Variants in LHFPL6 observed in about 807,000 individuals in gnomAD.
The protein encoded by LHFPL6 is LHFPL tetraspan subfamily member 6.
LHFPL6 carries 9 observed loss-of-function variants against 20.6 expected under a neutral mutation model. The observed-to-expected ratio is 0.44, with a 90% CI of 0.26 to 0.76. The LOEUF (loss-of-function observed/expected upper bound fraction) is 0.76, where lower values mean the gene tolerates loss of function less well. Among genes scored for constraint, LHFPL6 ranks in the 30% least tolerant of loss-of-function variants. The pLI, the probability that LHFPL6 is intolerant of heterozygous loss-of-function variation, is 0.20. For missense variants in LHFPL6, 218 were observed against 253.5 expected (o/e 0.86, Z 0.95); for synonymous variants, 105 against 98.7 (o/e 1.06, Z -0.38).
intron 2 of LHFPL6, among the ~76,000 whole-genome samples, chr13:39,447,297 G>T (rs1872315786): frequency 6.6e-6 from 1 of 152,020 alleles, no homozygotes; most frequent in South Asian, 2.1e-4. Context: ...AAATTATAAG[G>T]GAAATTTTCA....
At chr13:39,540,903 C>T (rs539600730) in intron 2 of LHFPL6, among the ~76,000 whole-genome samples, 2 of 152,016 alleles carry the variant, frequency 1.3e-5, no homozygotes, top group African/African-American at 2.4e-5. Context: ...ATTTAGAACA[C>T]GTTAACAGAG....
At chr13:39,572,778 C>T (rs1320136820) in intron 2 of LHFPL6, among the ~76,000 whole-genome samples, 1 of 152,100 alleles carries the variant, frequency 6.6e-6, no homozygotes, top group East Asian at 1.9e-4. Context: ...ATACCCAAGC[C>T]ATCAAAAACT....
In LHFPL6 at chr13:39,482,570, T is replaced by A. The variant is rs1041661552; in HGVS notation, c.386-104044A>T. Among the ~76,000 whole-genome samples, 6 of 152,290 alleles carry A rather than the reference T, an allele frequency of 3.9e-5. 1 individual carries two copies. The South Asian group carries it at 1.0e-3, about 26-fold the overall frequency. ...TGTCATAGAAGATGAACAGAAAGAT[T>A]GTTGAGGAAGGAGAAATAATCAATC... On this transcript the variant is annotated intron_variant, in intron 2 of 3. Coordinates refer to ENST00000379589, the MANE Select transcript of LHFPL6 (RefSeq NM_005780.3).
rs80044033 is a variant in LHFPL6, at chr13:39,359,791, GA to G, written c.485-15738del. Among the ~76,000 whole-genome samples, 33 of 146,840 alleles carry G rather than the reference GA, an allele frequency of 2.2e-4. No homozygotes were observed. The East Asian group carries it at 2.6e-3, about 12-fold the overall frequency. ...AGAATCTAAAATAAACATTGAAAAA[GA>G]AAAAAAAAACTGCAGCTCTGCTCTC... On this transcript the variant is annotated intron_variant, in intron 3 of 3. Coordinates refer to ENST00000379589, the MANE Select transcript of LHFPL6 (RefSeq NM_005780.3).
At chr13:39,534,463 T>C (rs1870558258) in intron 2 of LHFPL6, among the ~76,000 whole-genome samples, 1 of 152,246 alleles carries the variant, frequency 6.6e-6, no homozygotes, top group African/African-American at 2.4e-5. Context: ...GGGCTTCATA[T>C]ATAGGTCAAA....
At chr13:39,544,660 AAAGT>A (rs1219454235) in intron 2 of LHFPL6, among the ~76,000 whole-genome samples, 1 of 151,366 alleles carries the variant, frequency 6.6e-6, no homozygotes, top group African/African-American at 2.5e-5. Context: ...CTTTCCTTAT[AAAGT>A]AAGAAACATT....
intron 2 of LHFPL6, among the ~76,000 whole-genome samples, chr13:39,545,789 G>T (rs1230748158): frequency 6.6e-6 from 1 of 151,866 alleles, no homozygotes; most frequent in African/African-American, 2.4e-5. Flanking sequence ...AGTATTTTTA[G>T]GCTGGGCAAG....
At chr13:39,459,369 T>C (rs1872641583) in intron 2 of LHFPL6, among the ~76,000 whole-genome samples, 1 of 152,050 alleles carries the variant, frequency 6.6e-6, no homozygotes, top group South Asian at 2.1e-4. Context: ...GGTTTTTCCT[T>C]TCTCTCTCCT....
intron 2 of LHFPL6, among the ~76,000 whole-genome samples, chr13:39,414,779 T>C (rs1871309036): frequency 6.6e-6 from 1 of 151,018 alleles, no homozygotes; most frequent in African/African-American, 2.4e-5. Context: ...ATATAATTAC[T>C]GGCAACTGAG....
chr13:39,568,694 T>C (rs181198015), intron 2 of LHFPL6, among the ~76,000 whole-genome samples: 217 of 152,306 alleles, frequency 1.4e-3, no homozygotes, highest in Non-Finnish European at 2.5e-3. Flanking sequence ...CAAAAACTCC[T>C]TCCTGCCCAT....
At chr13:39,396,110 T>G (rs895474245) in intron 2 of LHFPL6, among the ~76,000 whole-genome samples, 1 of 151,858 alleles carries the variant, frequency 6.6e-6, no homozygotes, top group African/African-American at 2.4e-5. Flanking sequence ...CTCTGCAGGG[T>G]GTTGGGGGTG....
intron 2 of LHFPL6, among the ~76,000 whole-genome samples, chr13:39,447,733 AAAGGG>A (rs1208274861): frequency 6.6e-6 from 1 of 152,194 alleles, no homozygotes; most frequent in Non-Finnish European, 1.5e-5. Flanking sequence ...CAAGAGAGGA[AAAGGG>A]AAGGATGCAA....
intron 2 of LHFPL6, among the ~76,000 whole-genome samples, chr13:39,475,389 TGAG>T (rs1873059768): frequency 6.6e-6 from 1 of 152,004 alleles, no homozygotes; most frequent in African/African-American, 2.4e-5. Flanking sequence ...AACAAAAAAT[TGAG>T]GTAACAAATT....
At chr13:39,562,391 T>TACATATAC (rs1566141920) in intron 2 of LHFPL6, among the ~76,000 whole-genome samples, 1 of 42,984 alleles carries the variant, frequency 2.3e-5, no homozygotes, top group Non-Finnish European at 5.2e-5. Context: ...TACATATACA[T>TACATATAC]ATATATACAT....
intron 2 of LHFPL6, among the ~76,000 whole-genome samples, chr13:39,542,133 A>ATAATAAT (rs57877231): frequency 1.4e-4 from 19 of 138,784 alleles, no homozygotes; most frequent in Admixed American, 2.8e-4. Context: ...AATAATAATA[A>ATAATAAT]AATAAAAATG....
At chr13:39,392,086 CT>C (rs532795798) in intron 2 of LHFPL6, among the ~76,000 whole-genome samples, 12 of 152,230 alleles carry the variant, frequency 7.9e-5, no homozygotes, top group African/African-American at 2.2e-4. Context: ...AAGTTCAATA[CT>C]TTTTTTCCAC....
chr13:39,488,192 A>C (rs9576822), intron 2 of LHFPL6, among the ~76,000 whole-genome samples: 33,339 of 152,060 alleles, frequency 0.22, 5,648 homozygotes, highest in East Asian at 0.72. Flanking sequence ...CTGCAAGGAA[A>C]TAACCTTCAC....
At chr13:39,468,160 C>T (rs919446494) in intron 2 of LHFPL6, among the ~76,000 whole-genome samples, 12 of 152,196 alleles carry the variant, frequency 7.9e-5, no homozygotes, top group Admixed American at 6.5e-4. Flanking sequence ...AAACTCAAGT[C>T]TTCACATTTA....
At chr13:39,530,456 G>A (rs1215974802) in intron 2 of LHFPL6, among the ~76,000 whole-genome samples, 1 of 151,996 alleles carries the variant, frequency 6.6e-6, no homozygotes, top group Non-Finnish European at 1.5e-5. Flanking sequence ...CACTGGGTAT[G>A]AGGAGACGTT....
Sources: allele counts gnomAD v4.1 joint callset (sites outside exome capture counted in the v4.1 genomes callset), GRCh38; gene constraint gnomAD v4.1.1; transcripts MANE v1.5; gene names NCBI Gene and HGNC (gene_info 2026-07-23, HGNC 2026-07-21).